The following CELF2 variants were observed in gnomAD, a reference collection of about 807,000 sequenced individuals.
CELF2 encodes the protein CUGBP Elav-like family member 2.
CELF2 carries 8 observed loss-of-function variants against 62.6 expected under a neutral mutation model. The observed-to-expected ratio is 0.13, with a 90% CI of 0.07 to 0.23. The LOEUF is 0.23. CELF2 is among the 10% of genes least tolerant of loss of function. CELF2 has a pLI of 1.00. For missense variants in CELF2, 333 were observed against 671.0 expected, an observed-to-expected ratio of 0.50 and a Z score of 5.56; for synonymous variants, 258 against 250.0, an observed-to-expected ratio of 1.03 and a Z score of -0.30.
chr10:10,829,334 T>G (rs6602457), intron 1 of CELF2, among the ~76,000 whole-genome samples: 107,664 of 152,086 alleles, frequency 0.71, 38,297 homozygotes, highest in East Asian at 0.79. Context: ...CTTTTGATTA[T>G]AAATCAATCC....
At chr10:10,912,210 G>A (rs1340867272) in intron 1 of CELF2, among the ~76,000 whole-genome samples, 1 of 152,148 alleles carries the variant, frequency 6.6e-6, no homozygotes, top group East Asian at 1.9e-4. Flanking sequence ...CATCAGAGAG[G>A]TCTCCCAGGA....
intron 1 of CELF2, among the ~76,000 whole-genome samples, chr10:11,114,648 A>G (rs1306580402): frequency 6.6e-6 from 1 of 152,222 alleles, no homozygotes; most frequent in Non-Finnish European, 1.5e-5. Context: ...TTGAGAATGA[A>G]AGGGTTCTAA....
chr10:10,498,502 T>A, the CELF2 span, among the ~76,000 whole-genome samples: 21,563 of 152,130 alleles, frequency 0.14, 2,020 homozygotes, highest in Non-Finnish European at 0.22. Flanking sequence ...CAGTAAGAGA[T>A]GAGGTGGAAA....
chr10:10,564,641 T>TACACACACAC, the CELF2 span, among the ~76,000 whole-genome samples: 19 of 136,260 alleles, frequency 1.4e-4, no homozygotes, highest in African/African-American at 4.3e-4. Flanking sequence ...GTTAACTGAA[T>TACACACACAC]ACACACACAC....
the CELF2 span, among the ~76,000 whole-genome samples, chr10:10,665,841 A>G: frequency 6.6e-6 from 1 of 152,234 alleles, no homozygotes; most frequent in African/African-American, 2.4e-5. Context: ...AGAAGGGCAT[A>G]ATGTTCTAAG....
chr10:10,566,871 G>A, the CELF2 span, among the ~76,000 whole-genome samples: 2 of 151,836 alleles, frequency 1.3e-5, no homozygotes, highest in Non-Finnish European at 2.9e-5. Flanking sequence ...TCCTAGAATG[G>A]GCCTCTTCCA....
chr10:11,067,525 A>G (rs1436947595), intron 1 of CELF2, among the ~76,000 whole-genome samples: 2 of 152,236 alleles, frequency 1.3e-5, no homozygotes, highest in Non-Finnish European at 2.9e-5. Context: ...TTTAAATAAA[A>G]TTCCACACAC....
chr10:10,797,594 C>T (rs1244070008), upstream of CELF2, among the ~76,000 whole-genome samples: 2 of 152,156 alleles, frequency 1.3e-5, no homozygotes, highest in African/African-American at 4.8e-5. Flanking sequence ...TAAAGAAAGA[C>T]TATCAAGTAA....
At chr10:11,052,012 C>G (rs959369381) in intron 1 of CELF2, among the ~76,000 whole-genome samples, 1 of 151,458 alleles carries the variant, frequency 6.6e-6, no homozygotes, top group Non-Finnish European at 1.5e-5. Flanking sequence ...CTGAAGCAAT[C>G]CTCCCACCTC....
At chr10:10,637,674 A>G in the CELF2 span, among the ~76,000 whole-genome samples, 1 of 152,204 alleles carries the variant, frequency 6.6e-6, no homozygotes, top group Admixed American at 6.5e-5. Flanking sequence ...CAGGATCCCA[A>G]CGGTCACCTG....
At chr10:10,530,282 TGAG>T in the CELF2 span, among the ~76,000 whole-genome samples, 5 of 152,138 alleles carry the variant, frequency 3.3e-5, no homozygotes, top group Admixed American at 6.5e-5. Flanking sequence ...AAAAAGATTG[TGAG>T]GAGATGTGCT....
chr10:11,137,473 G>A (rs183558088), intron 1 of CELF2, among the ~76,000 whole-genome samples: 292 of 152,300 alleles, frequency 1.9e-3, no homozygotes, highest in African/African-American at 6.7e-3. Context: ...GTACATGTGT[G>A]TACTCTGACT....
chr10:10,812,978 C>T (rs958144010), intron 1 of CELF2, among the ~76,000 whole-genome samples: 8 of 152,114 alleles, frequency 5.3e-5, no homozygotes, highest in African/African-American at 1.2e-4. Context: ...ATTGTATGAT[C>T]GATGTAAGAT....
chr10:11,263,636 G>T (rs1457553674), intron 5 of CELF2, among the ~76,000 whole-genome samples: 6 of 152,126 alleles, frequency 3.9e-5, no homozygotes, highest in Non-Finnish European at 8.8e-5. Context: ...TACAACCCAG[G>T]TTATTTCTGT....
upstream of CELF2, among the ~76,000 whole-genome samples, chr10:11,000,381 G>T (rs2054397732): frequency 1.3e-5 from 2 of 152,104 alleles, no homozygotes; most frequent in African/African-American, 4.8e-5. Flanking sequence ...CTATTTTCAA[G>T]TGGCTTCTTG....
intron 9 of CELF2, among the ~76,000 whole-genome samples, chr10:11,304,369 TCTG>T (rs2094030962): frequency 6.6e-6 from 1 of 152,206 alleles, no homozygotes; most frequent in Admixed American, 6.5e-5. Flanking sequence ...CATCTCAAGT[TCTG>T]CTGATCAGCA....
intron 1 of CELF2, among the ~76,000 whole-genome samples, chr10:11,155,564 T>C (rs901694736): frequency 5.2e-5 from 8 of 152,382 alleles, no homozygotes; most frequent in Non-Finnish European, 1.0e-4. Flanking sequence ...CGTTTCTGTC[T>C]GCTCTAAGAT....
At chr10:10,510,848 C>G in the CELF2 span, among the ~76,000 whole-genome samples, 6 of 152,114 alleles carry the variant, frequency 3.9e-5, no homozygotes, top group Non-Finnish European at 4.4e-5. Context: ...TTGCAAAGAT[C>G]TGGGGTAAGA....
chr10:11,286,889 T>A (rs529110383), intron 8 of CELF2, among the ~76,000 whole-genome samples: 3 of 152,282 alleles, frequency 2.0e-5, no homozygotes, highest in African/African-American at 7.2e-5. Context: ...TCTGGATGTC[T>A]CCTGGAAGAA....
Sources: allele counts gnomAD v4.1 joint callset (sites outside exome capture counted in the v4.1 genomes callset), GRCh38; gene constraint gnomAD v4.1.1; transcripts MANE v1.5; gene names NCBI Gene and HGNC (gene_info 2026-07-23, HGNC 2026-07-21).